Variants in SYNDIG1L observed in about 807,000 individuals in gnomAD.
SYNDIG1L encodes the protein synapse differentiation-inducing gene protein 1-like.
SYNDIG1L carries 13 observed loss-of-function variants against 20.1 expected under a neutral mutation model. The ratio of observed to expected loss-of-function variants is 0.65; its 90% confidence interval spans 0.42 to 1.03. The LOEUF is 1.03. Ranked by LOEUF, SYNDIG1L falls within the 50% of genes least tolerant of loss-of-function variation. SYNDIG1L has a pLI of 0.00. For missense variants in SYNDIG1L, 294 were observed against 305.1 expected (o/e 0.96, Z 0.27); for synonymous variants, 128 against 129.3 (o/e 0.99, Z 0.07).
intron 1 of SYNDIG1L, among the ~76,000 whole-genome samples, chr14:74,413,735 G>A (rs1307186964): frequency 5.3e-5 from 8 of 151,834 alleles, no homozygotes; most frequent in African/African-American, 1.9e-4. Context: ...TAGGTTTGGC[G>A]GCTGAGCACA....
the SYNDIG1L span, among the ~76,000 whole-genome samples, chr14:74,450,793 AAAAC>A: frequency 3.3e-5 from 5 of 152,232 alleles, no homozygotes; most frequent in Non-Finnish European, 5.9e-5. Flanking sequence ...CAATAACAAG[AAAAC>A]AAACAACTCA....
At chr14:74,463,946 G>A in the SYNDIG1L span, among the ~76,000 whole-genome samples, 3 of 141,922 alleles carry the variant, frequency 2.1e-5, no homozygotes, top group African/African-American at 7.9e-5. Context: ...CTGATGAACC[G>A]GGCAACTCAC....
chr14:74,477,900 C>T, the SYNDIG1L span, among the ~76,000 whole-genome samples: 4 of 152,260 alleles, frequency 2.6e-5, no homozygotes, highest in East Asian at 1.9e-4. Flanking sequence ...TAATGACTCA[C>T]GGGGGCGTCT....
the SYNDIG1L span, among the ~76,000 whole-genome samples, chr14:74,466,455 G>A: frequency 2.0e-5 from 3 of 152,172 alleles, no homozygotes; most frequent in Admixed American, 1.3e-4. Flanking sequence ...CATGGACCCT[G>A]AAGGAACTCT....
intron 2 of SYNDIG1L, 134 bp downstream of exon 2, chr14:74,409,194 T>C (rs2086110024): frequency 3.3e-6 from 2 of 599,890 alleles, no homozygotes; most frequent in Non-Finnish European, 5.4e-6. Flanking sequence ...TCCTCTCACT[T>C]CAGCCTCCTG....
the SYNDIG1L span, among the ~76,000 whole-genome samples, chr14:74,478,451 G>C: frequency 6.6e-6 from 1 of 152,190 alleles, no homozygotes; most frequent in Non-Finnish European, 1.5e-5. Context: ...ACTCAAACTA[G>C]TCAGCTGTAT....
At chr14:74,456,795 C>A in the SYNDIG1L span, among the ~76,000 whole-genome samples, 6 of 151,928 alleles carry the variant, frequency 3.9e-5, no homozygotes, top group Non-Finnish European at 8.8e-5. Context: ...CCTAGTAGGG[C>A]CACCTTGGCT....
chr14:74,433,427 A>C, the SYNDIG1L span, among the ~76,000 whole-genome samples: 3 of 151,944 alleles, frequency 2.0e-5, no homozygotes, highest in African/African-American at 4.8e-5. Context: ...TCTGTCACCC[A>C]GGCTGGAGTG....
chr14:74,411,671 G>A (rs935892519), intron 1 of SYNDIG1L, among the ~76,000 whole-genome samples: 11 of 152,170 alleles, frequency 7.2e-5, no homozygotes, highest in African/African-American at 4.8e-5. Flanking sequence ...ATCAGACCTG[G>A]ACGAAGACAC....
At chr14:74,428,331 G>A (rs1006272445), upstream of SYNDIG1L, among the ~76,000 whole-genome samples, 3 of 152,216 alleles carry the variant, frequency 2.0e-5, no homozygotes, top group Non-Finnish European at 4.4e-5. Context: ...TACAGGGGTG[G>A]CTTAGGGACT....
Position 74,406,710 on chromosome 14 carries a change from A to G in SYNDIG1L, c.*825T>C, listed in dbSNP as rs1234840152. On this transcript the variant is annotated 3_prime_UTR_variant, in exon 4 of 4. Transcript: ENST00000331628. ...ACTCTCTGGGTCTAGTCTACTTGTG[A>G]TGGCACCAGCTCACGGACCCCCAGG... is the stretch of plus-strand genomic sequence containing the variant. The G allele has an allele frequency of 6.6e-6, 1 of 152,186 alleles. No homozygotes were observed. The highest frequency in any genetic ancestry group is 2.4e-5 in the African/African-American group (1 of 41,386). The allele number at this position is 152,186 out of a possible 1,614,324, so 9.4% of individuals were successfully genotyped here. A position where few individuals can be genotyped will look rare whatever the true frequency, so the allele number is the denominator to read the frequency against.
At chr14:74,461,378 A>G in the SYNDIG1L span, among the ~76,000 whole-genome samples, 8 of 152,196 alleles carry the variant, frequency 5.3e-5, no homozygotes, top group African/African-American at 1.9e-4. Flanking sequence ...CTCAGTGGAT[A>G]ACATCACGAG....
At chr14:74,443,519 A>G in the SYNDIG1L span, among the ~76,000 whole-genome samples, 3 of 152,258 alleles carry the variant, frequency 2.0e-5, no homozygotes, top group Admixed American at 6.5e-5. Context: ...AAGACCAGGC[A>G]GTATCCTGAA....
At chr14:74,454,233 G>A in the SYNDIG1L span, among the ~76,000 whole-genome samples, 45 of 152,146 alleles carry the variant, frequency 3.0e-4, no homozygotes, top group Non-Finnish European at 1.0e-4. Flanking sequence ...GTCCTCTGAA[G>A]TACTACCTAC....
At chr14:74,453,776 A>C in the SYNDIG1L span, among the ~76,000 whole-genome samples, 1 of 152,058 alleles carries the variant, frequency 6.6e-6, no homozygotes, top group African/African-American at 2.4e-5. Flanking sequence ...AACATGGTGA[A>C]ACTCCGTCTC....
the SYNDIG1L span, among the ~76,000 whole-genome samples, chr14:74,448,462 A>G: frequency 5.9e-5 from 9 of 152,212 alleles, no homozygotes; most frequent in African/African-American, 1.9e-4. Flanking sequence ...CTATACAGTT[A>G]TATACCTAAT....
At chr14:74,450,907 G>A in the SYNDIG1L span, among the ~76,000 whole-genome samples, 1 of 152,114 alleles carries the variant, frequency 6.6e-6, no homozygotes, top group South Asian at 2.1e-4. Flanking sequence ...ACTAGGAATA[G>A]AAAACTGTAA....
At chr14:74,430,440 C>CT (rs59843281), upstream of SYNDIG1L, among the ~76,000 whole-genome samples, 827 of 147,174 alleles carry the variant, frequency 5.6e-3, 8 homozygotes, top group East Asian at 0.012. Context: ...AATACGCATT[C>CT]TTTTTTTTTT....
At chr14:74,459,339 T>C in the SYNDIG1L span, among the ~76,000 whole-genome samples, 3,328 of 152,162 alleles carry the variant, frequency 0.022, 149 homozygotes, top group African/African-American at 0.076. Flanking sequence ...ACCCTGTCTC[T>C]ATAAAAAATA....
Sources: gnomAD v4.1 joint callset for allele counts (sites outside exome capture counted in the v4.1 genomes callset) on GRCh38, gnomAD v4.1.1 for gene constraint, MANE v1.5 for transcripts, NCBI Gene and HGNC (gene_info 2026-07-23, HGNC 2026-07-21) for gene names.